The following ST8SIA6 variants were observed in gnomAD, a reference collection of about 807,000 sequenced individuals.
ST8SIA6 encodes ST8 alpha-N-acetyl-neuraminide alpha-2,8-sialyltransferase 6.
ST8SIA6 carries 39 observed loss-of-function variants against 33.6 expected under a neutral mutation model. The observed-to-expected ratio is 1.16, with a 90% CI of 0.90 to 1.52. The LOEUF (loss-of-function observed/expected upper bound fraction) is 1.52. ST8SIA6 is among the 40% of genes most tolerant of loss of function. The pLI is 0.00. For synonymous variants in ST8SIA6, 172 were observed against 167.2 expected (o/e 1.03, Z -0.22); for missense variants, 441 against 443.8 (o/e 0.99, Z 0.06).
chr10:17,365,603 G>A (rs372437521), intron 3 of ST8SIA6, among the ~76,000 whole-genome samples: 67 of 152,300 alleles, frequency 4.4e-4, no homozygotes, highest in African/African-American at 1.6e-3. Context: ...CCACCTGCCT[G>A]CTGACTTAGT....
chr10:17,326,324 A>G (rs796306041), intron 6 of ST8SIA6, among the ~76,000 whole-genome samples: 50 of 152,326 alleles, frequency 3.3e-4, no homozygotes, highest in African/African-American at 1.2e-3. Flanking sequence ...GTGCATTTCA[A>G]TTGAAACCCA....
Position 17,385,677 on chromosome 10 carries a change from T to C in ST8SIA6, c.290+4854A>G, listed in dbSNP as rs1850313785. Among the ~76,000 whole-genome samples, 4 of 152,122 alleles carry C rather than the reference T, an allele frequency of 2.6e-5. No homozygotes were observed. The South Asian group carries it at 8.3e-4, about 31-fold the overall frequency. ...CAGTAAAGGTAGGAACTGGCTATTT[T>C]CACTTCTTTTTGTGGTTCTTCAGTT... On this transcript the variant is annotated intron_variant, in intron 3 of 7. Coordinates refer to ENST00000377602, the MANE Select transcript of ST8SIA6 (RefSeq NM_001004470.3).
intron 2 of ST8SIA6, among the ~76,000 whole-genome samples, chr10:17,428,486 T>G (rs1852002936): frequency 6.6e-6 from 1 of 151,976 alleles, no homozygotes; most frequent in Non-Finnish European, 1.5e-5. Context: ...AGTGGGCAAA[T>G]AAAGTCAGTC....
At chr10:17,450,750 T>A (rs1478757108) in intron 2 of ST8SIA6, among the ~76,000 whole-genome samples, 1 of 152,192 alleles carries the variant, frequency 6.6e-6, no homozygotes, top group Non-Finnish European at 1.5e-5. Context: ...CCTACTTGGA[T>A]AGCATCTTAA....
intron 3 of ST8SIA6, among the ~76,000 whole-genome samples, chr10:17,388,595 G>A (rs751601866): frequency 2.0e-5 from 3 of 152,176 alleles, no homozygotes; most frequent in Non-Finnish European, 4.4e-5. Flanking sequence ...GGTCTTCCTT[G>A]TATAGGATTG....
At chr10:17,337,174 A>G (rs1848531324) in intron 4 of ST8SIA6, among the ~76,000 whole-genome samples, 1 of 151,478 alleles carries the variant, frequency 6.6e-6, no homozygotes, top group Non-Finnish European at 1.5e-5. Context: ...CCGTTTAAGA[A>G]GAGCCTGCCA....
intron 2 of ST8SIA6, 143 bp downstream of exon 2, chr10:17,453,416 T>A: frequency 2.1e-6 from 1 of 477,512 alleles, no homozygotes; most frequent in Non-Finnish European, 3.2e-6. Context: ...CCCCGCGCCC[T>A]CTTCAAACAC....
chr10:17,369,077 T>C (rs1849652002), intron 3 of ST8SIA6, among the ~76,000 whole-genome samples: 2 of 152,234 alleles, frequency 1.3e-5, no homozygotes, highest in South Asian at 2.1e-4. Flanking sequence ...TAAAAGTTTT[T>C]AGTAGCTTGA....
At chr10:17,363,813 C>T (rs986712683) in intron 3 of ST8SIA6, among the ~76,000 whole-genome samples, 1 of 152,148 alleles carries the variant, frequency 6.6e-6, no homozygotes, top group Admixed American at 6.5e-5. Context: ...CATGAATGAG[C>T]TCACCATAGC....
chr10:17,335,969 T>A (rs554682794), intron 4 of ST8SIA6, among the ~76,000 whole-genome samples: 1 of 152,294 alleles, frequency 6.6e-6, no homozygotes, highest in African/African-American at 2.4e-5. Flanking sequence ...AATTTTTTTT[T>A]TTTTTAGATA....
At position 17,328,424 on chromosome 10, in the gene ST8SIA6, G is replaced by A. The variant is rs1488772125; in HGVS notation, c.523-1298C>T. On this transcript the variant is annotated intron_variant, in intron 5 of 7. Coordinates refer to ENST00000377602, the MANE Select transcript of ST8SIA6 (RefSeq NM_001004470.3). ...TCCTATTTTCCCCAAGTTCTCTGCA[G>A]ACTGAAATCTAACTTTTCAATTCAA... Among the ~76,000 whole-genome samples, 3 of 152,266 alleles carry A rather than the reference G, an allele frequency of 2.0e-5. No individual in the cohort carries two copies. In the East Asian group the frequency reaches 5.8e-4, roughly 29 times the overall value.
intron 2 of ST8SIA6, among the ~76,000 whole-genome samples, chr10:17,403,772 G>A (rs1326619495): frequency 6.6e-6 from 1 of 152,056 alleles, no homozygotes; most frequent in Non-Finnish European, 1.5e-5. Flanking sequence ...TCTTAGTTAA[G>A]AATGAAGGAG....
chr10:17,336,394 T>G (rs1025979251), intron 4 of ST8SIA6, among the ~76,000 whole-genome samples: 2 of 152,194 alleles, frequency 1.3e-5, no homozygotes, highest in African/African-American at 4.8e-5. Flanking sequence ...TGCCTTATTG[T>G]GTATCTGTCC....
chr10:17,371,809 AAAGT>A (rs377077248), intron 3 of ST8SIA6, among the ~76,000 whole-genome samples: 2,659 of 140,974 alleles, frequency 0.019, 27 homozygotes, highest in Middle Eastern at 0.039. Flanking sequence ...AAAAAGAAAG[AAAGT>A]AAAAAATGAG....
At chr10:17,363,040 A>G (rs1423135783) in intron 3 of ST8SIA6, among the ~76,000 whole-genome samples, 1 of 152,288 alleles carries the variant, frequency 6.6e-6, no homozygotes, top group South Asian at 2.1e-4. Context: ...TAAATACAAC[A>G]TGTAATGAGG....
chr10:17,445,151 A>G (rs1228929158), intron 2 of ST8SIA6, among the ~76,000 whole-genome samples: 2 of 152,204 alleles, frequency 1.3e-5, no homozygotes, highest in South Asian at 2.1e-4. Flanking sequence ...TCTAGTTCAC[A>G]CTCATCTTGA....
intron 6 of ST8SIA6, among the ~76,000 whole-genome samples, chr10:17,324,899 C>A (rs1848074275): frequency 1.4e-5 from 2 of 143,340 alleles, no homozygotes; most frequent in Admixed American, 1.4e-4. Flanking sequence ...TTATATATAA[C>A]ATGTATATAT....
At chr10:17,437,777 C>T (rs1852332802) in intron 2 of ST8SIA6, among the ~76,000 whole-genome samples, 1 of 151,010 alleles carries the variant, frequency 6.6e-6, no homozygotes, top group Non-Finnish European at 1.5e-5. Flanking sequence ...GTCACCCAGG[C>T]TGGAGTGCAG....
chr10:17,333,692 TATATATATATATATATATATATA>T (rs1429764770), intron 4 of ST8SIA6, among the ~76,000 whole-genome samples: 1,802 of 29,050 alleles, frequency 0.062, 204 homozygotes, highest in East Asian at 0.22. Flanking sequence ...TATATATATA[TATATATATATATATATATATATA>T]TATTTTTTTT....
Sources: allele counts gnomAD v4.1 joint callset (sites outside exome capture counted in the v4.1 genomes callset), GRCh38; gene constraint gnomAD v4.1.1; transcripts MANE v1.5; gene names NCBI Gene and HGNC (gene_info 2026-07-23, HGNC 2026-07-21).